STRAP: variants seen among roughly 807,000 people sequenced by gnomAD.
STRAP encodes serine-threonine kinase receptor-associated protein.
Under a neutral mutation model 47.0 loss-of-function variants are expected in STRAP, and 16 were observed. The observed-to-expected ratio is 0.34, with a 90% CI of 0.23 to 0.52. The LOEUF (loss-of-function observed/expected upper bound fraction) is 0.52, where lower values mean the gene tolerates loss of function less well. STRAP is among the 20% of genes least tolerant of loss of function. The pLI is 0.96. For missense variants in STRAP, 293 were observed against 420.0 expected, an observed-to-expected ratio of 0.70 and a Z score of 2.64; for synonymous variants, 130 against 142.7, an observed-to-expected ratio of 0.91 and a Z score of 0.63.
intron 7 of STRAP, among the ~76,000 whole-genome samples, chr12:15,898,462 C>T (rs986301059): frequency 6.6e-6 from 1 of 152,118 alleles, no homozygotes; most frequent in Non-Finnish European, 1.5e-5. Context: ...CCGTAAAGAA[C>T]AGTGTGTGGG....
At chr12:15,888,668 G>A (rs986091034) in intron 2 of STRAP, among the ~76,000 whole-genome samples, 11 of 151,738 alleles carry the variant, frequency 7.2e-5, no homozygotes, top group African/African-American at 2.4e-4. Flanking sequence ...TTCTTCCGAC[G>A]GCTAGCTCTG....
In STRAP at chr12:15,894,875, T is replaced by G. The variant is rs1591987577; in HGVS notation, c.501-484T>G. 6.6e-6 allele frequency among the ~76,000 whole-genome samples: 1 copy of G among 152,226 alleles called. No homozygotes were observed. Among genetic ancestry groups the G allele is most frequent in the East Asian group, 1.9e-4 (1 of 5,204 alleles). On this transcript the variant is annotated intron_variant, in intron 5 of 9. Coordinates refer to ENST00000419869, the MANE Select transcript of STRAP (RefSeq NM_007178.4). The surrounding 1 kb of genome is among the most constrained non-coding windows in gnomAD (Gnocchi z 4.9). ...CAGACAGCAAAATTCAGAAGAAAAT[T>G]AAATTGCTGATACCTTATAAGCAGG...
At chr12:15,900,785 A>G (rs1274731101) in intron 8 of STRAP, 162 bp from the exon 9 acceptor site, 3 of 477,600 alleles carry the variant, frequency 6.3e-6, no homozygotes, top group East Asian at 3.6e-5. Flanking sequence ...AAAGAAAGAC[A>G]TACTATTTTT....
intron 2 of STRAP, among the ~76,000 whole-genome samples, chr12:15,885,011 C>G (rs894943135): frequency 6.6e-6 from 1 of 151,948 alleles, no homozygotes; most frequent in African/African-American, 2.4e-5. Context: ...CCCTCGTTGC[C>G]TTTTTGGGAA....
At position 15,890,625 on chromosome 12, in the gene STRAP, A is replaced by G; in HGVS notation, c.359A>G (p.Gln120Arg). ...AGTAATTATTTGTTAACCGGGGGAC[A>G]GGATAAACTGTTACGCATATATGAC... ...QDSNYLLTGG[Q>R]DKLLRIYDLN... The change falls in exon 4 of 10, where the codon CAG becomes CGG. Residue 120 changes from glutamine to arginine, a missense_variant. Transcript: ENST00000419869. The surrounding 1 kb of genome is among the most constrained non-coding windows in gnomAD (Gnocchi z 4.5). 1.2e-6 allele frequency: 2 copies of G among 1,611,774 alleles called. No homozygotes were observed. Among genetic ancestry groups the G allele is most frequent in the Non-Finnish European group, 8.5e-7 (1 of 1,179,122 alleles).
chr12:15,895,637 G>A lies in STRAP; in HGVS notation c.638+141G>A, dbSNP rs762007345. 39 of 834,182 alleles carry A rather than the reference G, an allele frequency of 4.7e-5. 1 individual carries two copies. Among genetic ancestry groups the A allele is most frequent in the Non-Finnish European group, 6.8e-5 (39 of 573,456 alleles). 51.7% of individuals were successfully genotyped at this position (834,182 alleles called of 1,614,324 possible). ...TATGCCTATAATCGCAGTACCTTGG[G>A]AAGCTGAGGTGGGAGGATGGCTTGA... On this transcript the variant is annotated intron_variant, in intron 6 of 9. Coordinates refer to ENST00000419869, the MANE Select transcript of STRAP (RefSeq NM_007178.4).
At position 15,890,637 on chromosome 12, in the gene STRAP, T is replaced by TA; in HGVS notation, c.372dup (p.Arg125ThrfsTer4). On this transcript the variant is annotated frameshift_variant, in exon 4 of 10. Transcript: ENST00000419869. LOFTEE classifies it high-confidence loss of function. This position sits in a 1 kb window ranked among gnomAD's most constrained non-coding sequence, Gnocchi z 4.5. ...TTAACCGGGGGACAGGATAAACTGTTACGCATATATGACTTGAACAAACCT... is the reference window on the plus strand; with the variant it reads ...TTAACCGGGGGACAGGATAAACTGTTAACGCATATATGACTTGAACAAACCT... 6.2e-7 allele frequency: 1 copy of TA among 1,611,860 alleles called. No homozygotes were observed. The highest frequency in any genetic ancestry group is 8.5e-7 in the Non-Finnish European group (1 of 1,179,228).
At chr12:15,901,510 T>G (rs1948103110) in intron 9 of STRAP, among the ~76,000 whole-genome samples, 1 of 152,100 alleles carries the variant, frequency 6.6e-6, no homozygotes, top group African/African-American at 2.4e-5. Flanking sequence ...TGCCTCCAGG[T>G]TAAAGAGCAA....
chr12:15,898,113 A>G (rs1948075133), intron 7 of STRAP, 95 bp downstream of exon 7: 2 of 1,155,994 alleles, frequency 1.7e-6, no homozygotes, highest in Non-Finnish European at 2.3e-6. Flanking sequence ...TGTTACATAT[A>G]TATGTTGAAA....
Position 15,882,640 on chromosome 12 carries a change from C to CA in STRAP, c.-67dup, listed in dbSNP as rs1227464281. ...GGGCCTGGAGCAGCCCGAGGCACTG[C>CA]AGCAGAAGAGAGAAAAGACAACGAC... On this transcript the variant is annotated 5_prime_UTR_variant, in exon 1 of 10. Transcript: ENST00000419869. The CA allele has an allele frequency of 5.1e-6, 7 of 1,372,058 alleles. No individual in the cohort carries two copies. The East Asian group carries it at 1.7e-4, about 33-fold the overall frequency. The allele number at this position is 1,372,058 out of a possible 1,614,324, so 85.0% of individuals were successfully genotyped here. A position where few individuals can be genotyped will look rare whatever the true frequency, so the allele number is the denominator to read the frequency against.
At chr12:15,895,812 G>A (rs1220888624) in intron 6 of STRAP, among the ~76,000 whole-genome samples, 2 of 142,346 alleles carry the variant, frequency 1.4e-5, no homozygotes, top group South Asian at 4.5e-4. Context: ...GCATTTTGCT[G>A]TGATCTTGAC....
chr12:15,898,790 T>G (rs1322423339), intron 7 of STRAP, among the ~76,000 whole-genome samples: 1 of 152,196 alleles, frequency 6.6e-6, no homozygotes, highest in African/African-American at 2.4e-5. Context: ...AAGCTGTCTC[T>G]TCTTGTTCTT....
intron 4 of STRAP, among the ~76,000 whole-genome samples, chr12:15,892,235 TTTAAAGG>T (rs1169440118): frequency 6.6e-6 from 1 of 152,200 alleles, no homozygotes; most frequent in Non-Finnish European, 1.5e-5. Context: ...CTTACTGGTT[TTTAAAGG>T]TTCTTTATTG....
intron 1 of STRAP, 155 bp downstream of exon 1, chr12:15,882,974 G>A (rs957636764): frequency 3.6e-6 from 5 of 1,384,932 alleles, no homozygotes; most frequent in Admixed American, 2.0e-5. Context: ...GGTGGAGAAA[G>A]GAGTGTGTTA....
intron 8 of STRAP, among the ~76,000 whole-genome samples, chr12:15,900,482 G>A (rs115439604): frequency 0.028 from 4,248 of 150,638 alleles, 213 homozygotes; most frequent in African/African-American, 0.099. Context: ...CTGAGATCAC[G>A]CCACTGCACT....
At chr12:15,885,687 C>G (rs1489202850) in intron 2 of STRAP, among the ~76,000 whole-genome samples, 1 of 152,036 alleles carries the variant, frequency 6.6e-6, no homozygotes, top group Non-Finnish European at 1.5e-5. Flanking sequence ...TTTCAAGTCT[C>G]AATGTCTGTG....
chr12:15,893,863 T>A (rs1311324480), intron 4 of STRAP, among the ~76,000 whole-genome samples, 184 bp from the exon 5 acceptor site: 2 of 151,942 alleles, frequency 1.3e-5, no homozygotes, highest in Non-Finnish European at 2.9e-5. Flanking sequence ...GCAGATAAAT[T>A]TATGTTCCAA....
intron 4 of STRAP, among the ~76,000 whole-genome samples, chr12:15,892,564 A>G (rs1053713464): frequency 6.6e-6 from 1 of 152,194 alleles, no homozygotes; most frequent in Non-Finnish European, 1.5e-5. Context: ...AGTCAGAACC[A>G]CATTGGAAAT....
intron 1 of STRAP, 162 bp downstream of exon 1, chr12:15,882,981 G>A (rs1271822537): frequency 1.1e-5 from 15 of 1,411,738 alleles, no homozygotes; most frequent in Non-Finnish European, 1.5e-5. Context: ...AAAGGAGTGT[G>A]TTAGGGAATC....
Sources: gnomAD v4.1 joint callset for allele counts (sites outside exome capture counted in the v4.1 genomes callset) on GRCh38, gnomAD v4.1.1 for gene constraint, Gnocchi (gnomAD v3.1) non-coding constraint, MANE v1.5 for transcripts, NCBI Gene and HGNC (gene_info 2026-07-23, HGNC 2026-07-21) for gene names.